Variants in RFC5 observed in about 807,000 individuals in gnomAD.
RFC5 encodes replication factor C subunit 5.
RFC5 carries 26 observed loss-of-function variants against 44.3 expected under a neutral mutation model. That is an observed-to-expected ratio of 0.59 (90% CI 0.43 to 0.81). The LOEUF (loss-of-function observed/expected upper bound fraction) is 0.81. Ranked by LOEUF, RFC5 falls within the 40% of genes least tolerant of loss-of-function variation. The probability of loss-of-function intolerance (pLI) is 0.00; values close to 1 mark genes in which losing one functional copy is unlikely to be tolerated. For synonymous variants in RFC5, 155 were observed against 155.2 expected (o/e 1.00, Z 0.01); for missense variants, 328 against 418.6 (o/e 0.78, Z 1.89).
At chr12:118,027,286 T>A (rs892075802) in intron 8 of RFC5, 1 of 407,508 alleles carries the variant, frequency 2.5e-6, no homozygotes, top group Admixed American at 3.9e-5. Flanking sequence ...GGCCTTGGCA[T>A]TGAAGATGCA....
chr12:118,034,574 GCTCT>G (rs368693869), downstream of RFC5: 6 of 529,494 alleles, frequency 1.1e-5, no homozygotes, highest in Middle Eastern at 5.3e-4. Context: ...ATACCAAAGC[GCTCT>G]CTCTGTCTCT....
chr12:118,029,157 C>T (rs913197003), intron 9 of RFC5, among the ~76,000 whole-genome samples: 8 of 152,336 alleles, frequency 5.3e-5, no homozygotes, highest in African/African-American at 7.2e-5. Context: ...TAGTGGCTGA[C>T]GCCTGTAATC....
chr12:118,035,420 C>T (rs554204521), downstream of RFC5: 109 of 1,030,810 alleles, frequency 1.1e-4, no homozygotes, highest in African/African-American at 1.6e-3. Flanking sequence ...GCCCTGGCTA[C>T]AAAAGGGCTC....
chr12:118,023,262 A>G (rs1054965037), intron 5 of RFC5, among the ~76,000 whole-genome samples: 4 of 151,676 alleles, frequency 2.6e-5, no homozygotes, highest in Non-Finnish European at 4.4e-5. Context: ...GGCCTAGCGC[A>G]GTTCTTTTCT....
chr12:118,029,454 A>G (rs2137739245), intron 9 of RFC5, among the ~76,000 whole-genome samples: 1 of 152,290 alleles, frequency 6.6e-6, no homozygotes, highest in Non-Finnish European at 1.5e-5. Flanking sequence ...TAAAAACAGC[A>G]AGTGGGAACT....
downstream of RFC5, chr12:118,033,841 TAG>T (rs2031435812): frequency 3.7e-6 from 1 of 267,844 alleles, no homozygotes. Context: ...GCTCTGCCAC[TAG>T]AGAGGCTCTG....
Position 118,016,825 on chromosome 12 carries a change from G to T in RFC5, c.-3G>T. On this transcript the variant is annotated 5_prime_UTR_variant, in exon 1 of 11. Coordinates refer to ENST00000454402, the MANE Select transcript of RFC5 (RefSeq NM_007370.7). The stretch of plus-strand genomic sequence containing the variant: ...CGGATCTGGTCACCTTCGTCTCCCC[G>T]CCATGGAGACCTCAGCACTCAAGCA... 6.2e-7 allele frequency: 1 copy of T among 1,612,086 alleles called. No individual in the cohort carries two copies. The highest frequency in any genetic ancestry group is 8.5e-7 in the Non-Finnish European group (1 of 1,179,136).
downstream of RFC5, among the ~76,000 whole-genome samples, chr12:118,037,693 G>A (rs921835527): frequency 4.4e-4 from 65 of 147,746 alleles, no homozygotes; most frequent in Non-Finnish European, 7.8e-4. Context: ...GAAAAGAAAA[G>A]AAAAGAAAAC....
rs745849996 is a variant in RFC5, at chr12:118,022,448, T to A, written c.421+89T>A. 3.4e-5 allele frequency: 32 copies of A among 943,606 alleles called. No homozygotes were observed. The Admixed American group carries it at 5.2e-4, about 15-fold the overall frequency. The allele number at this position is 943,606 out of a possible 1,614,324, so 58.5% of individuals were successfully genotyped here. A position where few individuals can be genotyped will look rare whatever the true frequency, so the allele number is the denominator to read the frequency against. On this transcript the variant is annotated intron_variant, in intron 5 of 10. Coordinates refer to ENST00000454402, the MANE Select transcript of RFC5 (RefSeq NM_007370.7). ...TGTGTTTGTTGCTGTTGTCATTGTT[T>A]TTTTAGGCGGGGGGGAGTTTTTTTT...
chr12:118,039,307 C>T, the RFC5 span, among the ~76,000 whole-genome samples: 1 of 152,130 alleles, frequency 6.6e-6, no homozygotes, highest in East Asian at 1.9e-4. Flanking sequence ...AATAAAAAAG[C>T]CCGTCCATAT....
chr12:118,023,464 AGGCGGAG>A (rs2030687709), intron 5 of RFC5, among the ~76,000 whole-genome samples: 1 of 40,304 alleles, frequency 2.5e-5, no homozygotes, highest in African/African-American at 9.9e-5. Flanking sequence ...GGGGAGGAGA[AGGCGGAG>A]GAGGAGGGTA....
At position 118,031,840 on chromosome 12, in the gene RFC5, A is replaced by G. The variant is rs915246979; in HGVS notation, c.*562A>G. On this transcript the variant is annotated 3_prime_UTR_variant, in exon 11 of 11. Coordinates refer to ENST00000454402, the MANE Select transcript of RFC5 (RefSeq NM_007370.7). Reference sequence around the variant, plus strand: ...TACCCTCTGTGGTAGAAGAGTCACCAGCAGGTTCCAAATTGATGTGTATGA... The same window carrying G: ...TACCCTCTGTGGTAGAAGAGTCACCGGCAGGTTCCAAATTGATGTGTATGA... 6.6e-6 allele frequency: 1 copy of G among 152,232 alleles called. No homozygotes were observed. Among genetic ancestry groups the G allele is most frequent in the Admixed American group, 6.5e-5 (1 of 15,284 alleles). 9.4% of individuals were successfully genotyped at this position (152,232 alleles called of 1,614,324 possible). A position where few individuals can be genotyped will look rare whatever the true frequency, so the allele number is the denominator to read the frequency against.
intron 8 of RFC5, 85 bp downstream of exon 8, chr12:118,027,103 G>A: frequency 7.1e-7 from 1 of 1,398,776 alleles, no homozygotes; most frequent in Non-Finnish European, 9.8e-7. Flanking sequence ...ACACCTTGCT[G>A]GCAAAGGATG....
At chr12:118,024,494 T>C (rs2030795556) in intron 5 of RFC5, among the ~76,000 whole-genome samples, 1 of 151,648 alleles carries the variant, frequency 6.6e-6, no homozygotes. Flanking sequence ...GGAATGATTT[T>C]GGGTCACTGC....
Position 118,019,124 on chromosome 12 carries a change from A to G in RFC5, c.118A>G (p.Ile40Val). ...TLNDLISHQD[I>V]LSTIQKFINE... The stretch of plus-strand genomic sequence containing the variant: ...GAATGATCTCATTTCTCATCAGGAC[A>G]TTCTGAGTACCAGTAAGTATTCATG... Residue 40 changes from isoleucine to valine, a missense_variant, in exon 2 of 11, where the codon ATT (isoleucine) becomes GTT (valine). By Grantham distance (29) the Ile-to-Val change is conservative (BLOSUM62 3). Transcript: ENST00000454402. This position sits in a 1 kb window ranked among gnomAD's most constrained non-coding sequence, Gnocchi z 4.2. The G allele has an allele frequency of 1.2e-6, 2 of 1,612,354 alleles. No homozygotes were observed. The highest frequency in any genetic ancestry group is 2.7e-5 in the African/African-American group (2 of 75,046).
In RFC5 at chr12:118,031,519, GA is replaced by G. The variant is rs1170433994; in HGVS notation, c.*248del. 9 of 309,552 alleles carry G rather than the reference GA, an allele frequency of 2.9e-5. No homozygotes were observed. Among genetic ancestry groups the G allele is most frequent in the Admixed American group, 2.0e-4 (4 of 20,238 alleles). The allele number at this position is 309,552 out of a possible 1,614,324, so 19.2% of individuals were successfully genotyped here. A position where few individuals can be genotyped will look rare whatever the true frequency, so the allele number is the denominator to read the frequency against. On this transcript the variant is annotated 3_prime_UTR_variant, in exon 11 of 11. Transcript: ENST00000454402. Reference sequence around the variant, plus strand: ...CTCATACTGCCTGTCTTTTATAGGGGAAAAAAATAACCTTTTTTATTTTAAA... The same window carrying G: ...CTCATACTGCCTGTCTTTTATAGGGGAAAAAATAACCTTTTTTATTTTAAA...
At position 118,031,082 on chromosome 12, in the gene RFC5, A is replaced by C. The variant is rs902519156; in HGVS notation, c.927-100A>C. The C allele has an allele frequency of 1.3e-5, 10 of 750,908 alleles. 1 individual carries two copies. The highest frequency in any genetic ancestry group is 2.3e-5 in the Non-Finnish European group (10 of 436,696). 46.5% of individuals were successfully genotyped at this position (750,908 alleles called of 1,614,324 possible). ...ATTTGTTCTATCAATTCCCATCCCC[A>C]CTCCTTCAACAGATTTTCAGCCCTA... On this transcript the variant is annotated intron_variant, in intron 10 of 10. Coordinates refer to ENST00000454402, the MANE Select transcript of RFC5 (RefSeq NM_007370.7).
At chr12:118,035,143 C>T (rs200763211), downstream of RFC5, 185 of 1,612,360 alleles carry the variant, frequency 1.1e-4, no homozygotes, top group East Asian at 4.0e-3. Context: ...AGGGCCAGAC[C>T]AAGAGGGCCT....
At position 118,031,461 on chromosome 12, in the gene RFC5, G is replaced by C; in HGVS notation, c.*183G>C. On this transcript the variant is annotated 3_prime_UTR_variant, in exon 11 of 11. Transcript: ENST00000454402. ...AGTACCATTTTTGTGGTTGTTTGGA[G>C]CAGGGATGTACAAAATAATTTTAAT... 2.2e-6 allele frequency: 1 copy of C among 454,570 alleles called. No individual in the cohort carries two copies. The highest frequency in any genetic ancestry group is 3.9e-6 in the Non-Finnish European group (1 of 254,038). The allele number at this position is 454,570 out of a possible 1,614,324, so 28.2% of individuals were successfully genotyped here.
Sources: gnomAD v4.1 joint callset for allele counts (sites outside exome capture counted in the v4.1 genomes callset) on GRCh38, gnomAD v4.1.1 for gene constraint, Gnocchi (gnomAD v3.1) non-coding constraint, MANE v1.5 for transcripts, NCBI Gene and HGNC (gene_info 2026-07-23, HGNC 2026-07-21) for gene names.